The following DUSP14 variants were observed in gnomAD, a reference collection of about 807,000 sequenced individuals.
DUSP14 encodes the protein dual specificity protein phosphatase 14.
In DUSP14, 5 loss-of-function variants were observed where a neutral mutation model predicts 13.2. The observed-to-expected ratio is 0.38, with a 90% CI of 0.20 to 0.80. The LOEUF (loss-of-function observed/expected upper bound fraction) is 0.80, where lower values mean the gene tolerates loss of function less well. Among genes scored for constraint, DUSP14 ranks in the 30% least tolerant of loss-of-function variants. The pLI is 0.44. For synonymous variants in DUSP14, 91 were observed against 103.4 expected (o/e 0.88, Z 0.73); for missense variants, 185 against 264.0 (o/e 0.70, Z 2.07).
intron 1 of DUSP14, among the ~76,000 whole-genome samples, chr17:37,495,223 G>A (rs904427475): frequency 1.3e-5 from 2 of 152,178 alleles, no homozygotes; most frequent in African/African-American, 4.8e-5. Context: ...GGAGGCCTAG[G>A]GCTGAGATCA....
chr17:37,502,695 C>G (rs1229712014), intron 1 of DUSP14, among the ~76,000 whole-genome samples: 1 of 151,970 alleles, frequency 6.6e-6, no homozygotes, highest in Non-Finnish European at 1.5e-5. Flanking sequence ...AGCTGGGACT[C>G]AGTTGGGATG....
In DUSP14 at chr17:37,512,027, GTTAA is replaced by G. The variant is rs1228992027; in HGVS notation, c.-92-151_-92-148del. 1.4e-5 allele frequency among the ~76,000 whole-genome samples: 2 copies of G among 141,308 alleles called. No individual in the cohort carries two copies. Among genetic ancestry groups the G allele is most frequent in the Non-Finnish European group, 3.0e-5 (2 of 66,590 alleles). The allele number at this position is 141,308 out of a possible 152,430, so 92.7% of individuals were successfully genotyped here. The stretch of plus-strand genomic sequence containing the variant: ...GTGTCTTAGGTGACTTTTCCCAACT[GTTAA>G]TTGATAGAAAATGATTTGTCTGTAT... On this transcript the variant is annotated intron_variant, in intron 2 of 2. Coordinates refer to ENST00000617516, the MANE Select transcript of DUSP14 (RefSeq NM_007026.4). This position sits in a 1 kb window ranked among gnomAD's most constrained non-coding sequence, Gnocchi z 4.8.
intron 1 of DUSP14, among the ~76,000 whole-genome samples, chr17:37,495,652 T>TTTTTTTG (rs2054059319): frequency 6.7e-6 from 1 of 149,454 alleles, no homozygotes; most frequent in Non-Finnish European, 1.5e-5. Context: ...TTAAGTTTTG[T>TTTTTTTG]TTTTTTTGTT....
At chr17:37,509,852 G>C (rs1250800526) in intron 1 of DUSP14, 2 of 151,956 alleles carry the variant, frequency 1.3e-5, no homozygotes, top group Non-Finnish European at 2.9e-5. Flanking sequence ...ATCAGGTAAT[G>C]TACCTGATCA....
intron 1 of DUSP14, among the ~76,000 whole-genome samples, chr17:37,507,885 A>G (rs1018365076): frequency 6.6e-6 from 1 of 152,176 alleles, no homozygotes; most frequent in Non-Finnish European, 1.5e-5. Flanking sequence ...TTGCTTTTTA[A>G]ACCAGTAGGA....
At chr17:37,503,999 GC>G (rs1414112851) in intron 1 of DUSP14, among the ~76,000 whole-genome samples, 12 of 152,176 alleles carry the variant, frequency 7.9e-5, no homozygotes, top group Non-Finnish European at 1.5e-4. Flanking sequence ...TTTGAGACCA[GC>G]CTGGCCAACA....
chr17:37,490,994 G>C (rs570910698), intron 1 of DUSP14, among the ~76,000 whole-genome samples: 26 of 152,298 alleles, frequency 1.7e-4, no homozygotes, highest in African/African-American at 6.0e-4. Flanking sequence ...ACATTCTACA[G>C]ATCACTTAAG....
chr17:37,500,430 T>C (rs891590301), intron 1 of DUSP14, among the ~76,000 whole-genome samples: 12 of 152,214 alleles, frequency 7.9e-5, no homozygotes, highest in African/African-American at 2.9e-4. Context: ...TTATCTTCCC[T>C]TAAAGTAGTA....
chr17:37,493,638 G>A (rs1245614969), intron 1 of DUSP14, among the ~76,000 whole-genome samples: 1 of 150,526 alleles, frequency 6.6e-6, no homozygotes, highest in Non-Finnish European at 1.5e-5. Flanking sequence ...ACTGTGTTTG[G>A]TTGACAAATA....
At chr17:37,507,141 G>C (rs2054143423) in intron 1 of DUSP14, among the ~76,000 whole-genome samples, 3 of 152,166 alleles carry the variant, frequency 2.0e-5, no homozygotes, top group Admixed American at 2.0e-4. Flanking sequence ...ATCTGTCAAG[G>C]GGGTCAGGAG....
At chr17:37,490,087 G>C (rs1802478819) in intron 1 of DUSP14, 129 bp downstream of exon 1, 1 of 151,608 alleles carries the variant, frequency 6.6e-6, no homozygotes, top group African/African-American at 2.4e-5. Flanking sequence ...CCCGCCTCTG[G>C]AAACTTTGTG....
intron 1 of DUSP14, among the ~76,000 whole-genome samples, chr17:37,490,875 T>C (rs1264983315): frequency 6.6e-6 from 1 of 152,132 alleles, no homozygotes; most frequent in Non-Finnish European, 1.5e-5. Flanking sequence ...CGGGTATCCT[T>C]AGTAACCTTA....
At chr17:37,488,664 A>T (rs150164234), upstream of DUSP14, among the ~76,000 whole-genome samples, 2 of 152,342 alleles carry the variant, frequency 1.3e-5, no homozygotes, top group South Asian at 2.1e-4. Flanking sequence ...GAAGACGAAA[A>T]TAAATCTCTC....
chr17:37,492,124 A>G (rs2054032141), intron 1 of DUSP14, among the ~76,000 whole-genome samples: 1 of 152,324 alleles, frequency 6.6e-6, no homozygotes, highest in African/African-American at 2.4e-5. Context: ...ATCCTGATAG[A>G]CGGTGTTACT....
upstream of DUSP14, chr17:37,489,882 G>C (rs917474233): frequency 2.7e-5 from 4 of 147,844 alleles, no homozygotes; most frequent in Admixed American, 6.7e-5. Context: ...CGCGCGCGGC[G>C]CCCAGCCCGC....
chr17:37,506,622 G>A (rs1027123153), intron 1 of DUSP14, among the ~76,000 whole-genome samples: 1 of 152,078 alleles, frequency 6.6e-6, no homozygotes. Flanking sequence ...TGTCTCCCAG[G>A]ACACATTTAC....
At chr17:37,489,444 G>C (rs913560795), upstream of DUSP14, among the ~76,000 whole-genome samples, 1 of 152,190 alleles carries the variant, frequency 6.6e-6, no homozygotes, top group African/African-American at 2.4e-5. Context: ...CTAGGGAGGC[G>C]GTGGGGTGGG....
upstream of DUSP14, among the ~76,000 whole-genome samples, chr17:37,489,450 G>A (rs1463647483): frequency 1.3e-5 from 2 of 152,184 alleles, no homozygotes; most frequent in African/African-American, 4.8e-5. Flanking sequence ...AGGCGGTGGG[G>A]TGGGGTCGAG....
chr17:37,509,135 A>ATATG (rs1568204456), intron 1 of DUSP14, among the ~76,000 whole-genome samples: 1 of 38,996 alleles, frequency 2.6e-5, no homozygotes, highest in Non-Finnish European at 4.1e-5. Context: ...ATATACACAC[A>ATATG]CACACACACA....
Sources: allele counts gnomAD v4.1 joint callset (sites outside exome capture counted in the v4.1 genomes callset), GRCh38; gene constraint gnomAD v4.1.1; non-coding constraint Gnocchi (gnomAD v3.1); transcripts MANE v1.5; gene names NCBI Gene and HGNC (gene_info 2026-07-23, HGNC 2026-07-21).